SLC22A16: variants seen among roughly 807,000 people sequenced by gnomAD.
SLC22A16 encodes the protein WUGSC:RG331P03.1.
A neutral mutation model predicts 52.9 loss-of-function variants in SLC22A16; 53 were observed. The ratio of observed to expected loss-of-function variants is 1.00; its 90% CI spans 0.80 to 1.26. The LOEUF is 1.26. Among genes scored for constraint, SLC22A16 ranks in the 50% most tolerant of loss-of-function variants. The pLI, the probability that SLC22A16 is intolerant of heterozygous loss-of-function variation, is 0.00. For synonymous variants in SLC22A16, 291 were observed against 268.8 expected, an observed-to-expected ratio of 1.08 and a Z score of -0.81; for missense variants, 726 against 704.0, an observed-to-expected ratio of 1.03 and a Z score of -0.35.
At chr6:110,453,768 C>T (rs1775474364) in intron 2 of SLC22A16, 3 of 451,078 alleles carry the variant, frequency 6.7e-6, no homozygotes, top group Non-Finnish European at 8.9e-6. Context: ...ACACCTAAGA[C>T]TGGATAATTT....
chr6:110,425,158 T>C, intron 7 of SLC22A16, 73 bp from the exon 8 acceptor site: 1 of 1,582,646 alleles, frequency 6.3e-7, no homozygotes, highest in Admixed American at 1.8e-5. Context: ...TAGAATTTCC[T>C]AACTGTTTTC....
chr6:110,464,137 G>T (rs1167423452), intron 1 of SLC22A16, among the ~76,000 whole-genome samples: 1 of 151,974 alleles, frequency 6.6e-6, no homozygotes, highest in Non-Finnish European at 1.5e-5. Flanking sequence ...CTGGGATACA[G>T]CAAAAGCAGT....
intron 5 of SLC22A16, among the ~76,000 whole-genome samples, chr6:110,436,652 A>G (rs567569464): frequency 6.6e-6 from 1 of 152,290 alleles, no homozygotes; most frequent in East Asian, 1.9e-4. Context: ...TTTTCTTAAA[A>G]AAAACAAACA....
chr6:110,452,400 T>C (rs962072645), intron 2 of SLC22A16, among the ~76,000 whole-genome samples: 1 of 152,224 alleles, frequency 6.6e-6, no homozygotes, highest in Non-Finnish European at 1.5e-5. Flanking sequence ...CATTATTCTT[T>C]CCTTGCTTCC....
chr6:110,476,221 GAT>G (rs201301585), intron 1 of SLC22A16: 1 of 604,562 alleles, frequency 1.7e-6, no homozygotes, highest in South Asian at 2.1e-5. Flanking sequence ...TCTCCAGCCA[GAT>G]GCCTCCAGCA....
intron 1 of SLC22A16, among the ~76,000 whole-genome samples, chr6:110,458,953 A>G (rs1401659489): frequency 6.6e-6 from 1 of 152,116 alleles, no homozygotes; most frequent in African/African-American, 2.4e-5. Context: ...CAGCCTTTAT[A>G]ACCATGTAAG....
intron 1 of SLC22A16, among the ~76,000 whole-genome samples, chr6:110,473,195 GC>G (rs1776319057): frequency 6.6e-6 from 1 of 152,108 alleles, no homozygotes; most frequent in Admixed American, 6.5e-5. Flanking sequence ...TCAAAAAAGA[GC>G]CAGAAAAACT....
Position 110,438,828 on chromosome 6 carries a change from G to A in SLC22A16, c.1203C>T (p.Ala401=). 4 of 1,614,114 alleles carry A rather than the reference G, an allele frequency of 2.5e-6. No individual in the cohort carries two copies. Among genetic ancestry groups the A allele is most frequent in the Non-Finnish European group, 3.4e-6 (4 of 1,179,986 alleles). The change falls in exon 5 of 8, where the codon GCC becomes GCT. Residue 401 remains alanine, a synonymous_variant. Coordinates refer to ENST00000368919, the MANE Select transcript of SLC22A16 (RefSeq NM_033125.4). ...CCATGGCGATGCACACGAAGGTGTA[G>A]GCGGGAATTTCCACTACACCTGTCA... ...LFLLGVVEIP[A]YTFVCIAMDK...
At chr6:110,465,100 T>C (rs909426467) in intron 1 of SLC22A16, among the ~76,000 whole-genome samples, 1 of 130,564 alleles carries the variant, frequency 7.7e-6, no homozygotes, top group African/African-American at 2.6e-5. Flanking sequence ...CCCTTCATGA[T>C]AAAAAAAAAA....
chr6:110,465,705 C>A (rs190996222), intron 1 of SLC22A16, among the ~76,000 whole-genome samples: 40 of 152,240 alleles, frequency 2.6e-4, no homozygotes, highest in Admixed American at 2.4e-3. Context: ...ATTTAAGTGA[C>A]CATACTGCCC....
chr6:110,446,979 C>G lies in SLC22A16; in HGVS notation c.545G>C (p.Arg182Pro). 1 of 1,613,204 alleles carries G rather than the reference C, an allele frequency of 6.2e-7. No homozygotes were observed. The highest frequency in any genetic ancestry group is 8.5e-7 in the Non-Finnish European group (1 of 1,179,662). ...FGYFSDRLGR[R>P]VVLWATSSSM... is the part of the protein sequence containing the mutation. Reference sequence around the variant, plus strand: ...ACTGCTTGTGGCCCACAAGACCACCCGGCGTCCTAGCCTGAAAAATAAGAG... The same window carrying G: ...ACTGCTTGTGGCCCACAAGACCACCGGGCGTCCTAGCCTGAAAAATAAGAG... Residue 182 changes from arginine (R) to proline (P), a missense_variant, in exon 3 of 8, where the codon CGG becomes CCG. Coordinates refer to ENST00000368919, the MANE Select transcript of SLC22A16 (RefSeq NM_033125.4).
intron 4 of SLC22A16, among the ~76,000 whole-genome samples, chr6:110,440,691 C>T (rs1454711775): frequency 1.3e-5 from 2 of 152,214 alleles, no homozygotes; most frequent in African/African-American, 2.4e-5. Context: ...ACAGGAGAAT[C>T]GCTTGAACCC....
rs778469564 is a variant in SLC22A16, at chr6:110,456,893, G to A, written c.178C>T (p.Gln60Ter). The A allele has an allele frequency of 6.2e-7, 1 of 1,614,042 alleles. No individual in the cohort carries two copies. Among genetic ancestry groups the A allele is most frequent in the South Asian group, 1.1e-5 (1 of 91,058 alleles). Residue 60 changes from glutamine (Q) to a stop codon, truncating the protein, a stop_gained, in exon 2 of 8, where the codon CAG becomes TAG. Transcript: ENST00000368919. LOFTEE classifies it high-confidence loss of function. ...TTAGAGTGATTATGGAAAACAACCT[G>A]ACTCACATTGCCTGGGGGCCTGCAG... ...HVCRPPGNVS[Q>*]VVFHNHSNWS...
intron 2 of SLC22A16, chr6:110,453,531 G>A (rs957115035): frequency 1.6e-5 from 7 of 435,872 alleles, no homozygotes; most frequent in South Asian, 3.3e-5. Flanking sequence ...TACTTACTTC[G>A]TTAGCAAGCA....
chr6:110,455,026 T>A (rs1444129545), intron 2 of SLC22A16, among the ~76,000 whole-genome samples: 1 of 123,970 alleles, frequency 8.1e-6, no homozygotes, highest in Non-Finnish European at 1.6e-5. Flanking sequence ...ATATATATAA[T>A]TTCACTAATA....
intron 2 of SLC22A16, among the ~76,000 whole-genome samples, chr6:110,449,327 T>C (rs980473752): frequency 3.3e-5 from 5 of 151,994 alleles, no homozygotes; most frequent in Non-Finnish European, 7.4e-5. Context: ...TAAAGTCCTC[T>C]GCTGCACACT....
intron 7 of SLC22A16, 132 bp downstream of exon 7, chr6:110,431,039 G>T: frequency 1.4e-6 from 1 of 712,024 alleles, no homozygotes; most frequent in Admixed American, 2.3e-5. Context: ...TGTTGGTAAT[G>T]GGGTTGTTTC....
chr6:110,462,445 C>G (rs138876955), intron 1 of SLC22A16, among the ~76,000 whole-genome samples: 6 of 152,050 alleles, frequency 3.9e-5, no homozygotes, highest in African/African-American at 1.4e-4. Context: ...GAAAATCAAC[C>G]CCCAAAAACT....
intron 1 of SLC22A16, chr6:110,475,057 A>G: frequency 2.0e-6 from 1 of 501,748 alleles, no homozygotes; most frequent in African/African-American, 1.9e-5. Context: ...AGTGGTAAAT[A>G]AAATGCTCAA....
Sources: allele counts gnomAD v4.1 joint callset (sites outside exome capture counted in the v4.1 genomes callset), GRCh38; gene constraint gnomAD v4.1.1; transcripts MANE v1.5; gene names NCBI Gene and HGNC (gene_info 2026-07-23, HGNC 2026-07-21).